CDH23: variants seen among roughly 807,000 people sequenced by gnomAD.
CDH23 encodes the protein cadherin-23.
In CDH23, 189 loss-of-function variants were observed where a neutral mutation model predicts 317.1. That is an observed-to-expected ratio of 0.60 (90% CI 0.53 to 0.67). CDH23 has a LOEUF of 0.67. CDH23 is among the 30% of genes least tolerant of loss of function. The probability of loss-of-function intolerance (pLI) is 0.00; values close to 1 mark genes in which losing one functional copy is unlikely to be tolerated. For synonymous variants in CDH23, 1,839 were observed against 1,876.8 expected (o/e 0.98, Z 0.52); for missense variants, 4,401 against 4,592.4 (o/e 0.96, Z 1.20).
intron 14 of CDH23, among the ~76,000 whole-genome samples, chr10:71,650,499 T>C (rs1405948356): frequency 6.6e-6 from 1 of 152,160 alleles, no homozygotes; most frequent in African/African-American, 2.4e-5. Context: ...TGCCTGTGCA[T>C]GTACATGTGT....
chr10:71,583,282 G>A (rs1157685928), intron 9 of CDH23, among the ~76,000 whole-genome samples: 5 of 152,102 alleles, frequency 3.3e-5, no homozygotes, highest in Non-Finnish European at 7.4e-5. Flanking sequence ...GGCCGCAGAG[G>A]GAGGCAGGGC....
At chr10:71,525,860 T>C (rs1454469088) in intron 6 of CDH23, among the ~76,000 whole-genome samples, 2 of 151,948 alleles carry the variant, frequency 1.3e-5, no homozygotes, top group Admixed American at 6.5e-5. Context: ...CATGCTAGAG[T>C]GTTGCTTCCA....
intron 9 of CDH23, among the ~76,000 whole-genome samples, chr10:71,579,090 T>G (rs75242249): frequency 0.093 from 14,212 of 152,224 alleles, 1,024 homozygotes; most frequent in East Asian, 0.32. Context: ...TGATTTAACA[T>G]ATAAAGGGCT....
intron 38 of CDH23, chr10:71,749,269 ATGAATTG>A (rs1839931925): frequency 6.6e-6 from 1 of 152,282 alleles, no homozygotes; most frequent in African/African-American, 2.4e-5. Context: ...GCAGGCCCCC[ATGAATTG>A]TGAAAAACAT....
In CDH23 at chr10:71,702,160, G is replaced by C. The variant is rs372807578; in HGVS notation, c.2536G>C (p.Asp846His). ...CGCCATGCTGGACCGGGAGAACCCC[G>C]ACCCCCATGAGGCCGAGCTGATGCG... ...THAMLDRENP[D>H]PHEAELMRKI... is the part of the protein sequence containing the mutation. Residue 846 changes from aspartate (D) to histidine (H), a missense_variant, in exon 23 of 70, where the codon GAC becomes CAC. Asp to His is a moderately conservative substitution (Grantham distance 81). This residue lies in a region of CDH23 where 3,068 missense variants were observed against 3,203.3 expected (regional missense o/e 0.96). Coordinates refer to ENST00000224721, the MANE Select transcript of CDH23 (RefSeq NM_022124.6). 6.2e-7 allele frequency: 1 copy of C among 1,613,870 alleles called. No homozygotes were observed. Among genetic ancestry groups the C allele is most frequent in the African/African-American group, 1.3e-5 (1 of 75,030 alleles).
At chr10:71,408,783 C>T (rs1032883403) in intron 1 of CDH23, among the ~76,000 whole-genome samples, 9 of 152,272 alleles carry the variant, frequency 5.9e-5, no homozygotes, top group African/African-American at 1.9e-4. Flanking sequence ...CTGTGGAGGG[C>T]CTGGGTGTCA....
At chr10:71,803,115 G>T (rs775176370) in intron 54 of CDH23, 40 bp downstream of exon 54, 1 of 1,600,394 alleles carries the variant, frequency 6.2e-7, no homozygotes, top group East Asian at 2.2e-5. Context: ...GTCTTGGGGG[G>T]TGGGAGGGGG....
chr10:71,476,187 T>C (rs373162580), intron 3 of CDH23, among the ~76,000 whole-genome samples: 1 of 152,102 alleles, frequency 6.6e-6, no homozygotes, highest in South Asian at 2.1e-4. Context: ...CCAGGAAAAG[T>C]ACAGGATGCT....
At position 71,702,671 on chromosome 10, in the gene CDH23, C is replaced by T. The variant is rs1249161014; in HGVS notation, c.2710C>T (p.Pro904Ser). The change falls in exon 24 of 70, where the codon CCG becomes TCG. Residue 904 changes from proline to serine, a missense_variant. Physicochemically the swap from Pro to Ser is moderately conservative, Grantham distance 74. Coordinates refer to ENST00000224721, the MANE Select transcript of CDH23 (RefSeq NM_022124.6). ...TGTGGCCGAGGTGCTTGAAGGCATC[C>T]CGGCGGGGGTCTCCATCTACCAAGT... is the stretch of plus-strand genomic sequence containing the variant. ...PFVAEVLEGI[P>S]AGVSIYQVVA... 3 of 1,613,812 alleles carry T rather than the reference C, an allele frequency of 1.9e-6. No homozygotes were observed. The highest frequency in any genetic ancestry group is 2.2e-5 in the East Asian group (1 of 44,874).
chr10:71,748,129 A>G (rs745577), intron 38 of CDH23: 20,496 of 151,950 alleles, frequency 0.13, 1,580 homozygotes, highest in South Asian at 0.36. Context: ...CTCATTCATG[A>G]GGCAGGACCC....
intron 27 of CDH23, 100 bp from the exon 28 acceptor site, chr10:71,712,565 G>C (rs1866017528): frequency 7.1e-7 from 1 of 1,403,748 alleles, no homozygotes; most frequent in African/African-American, 1.4e-5. Context: ...GGGCGGAACA[G>C]GGCACCTCTC....
At chr10:71,710,813 G>T (rs985852509) in intron 27 of CDH23, among the ~76,000 whole-genome samples, 1 of 152,234 alleles carries the variant, frequency 6.6e-6, no homozygotes, top group Non-Finnish European at 1.5e-5. Flanking sequence ...TGCATGCACC[G>T]CAGCTGGCCC....
chr10:71,807,780 G>C lies in CDH23; in HGVS notation c.8560+13G>C. On this transcript the variant is annotated intron_variant, in intron 59 of 69. Transcript: ENST00000224721. ...GAGTACACTGCAGGTGCAGGGACTG[G>C]AGCCTGGGCACGAGGTGTGGGGTGG... 1 of 1,591,154 alleles carries C rather than the reference G, an allele frequency of 6.3e-7. No homozygotes were observed. Among genetic ancestry groups the C allele is most frequent in the Non-Finnish European group, 8.6e-7 (1 of 1,168,582 alleles).
chr10:71,666,294 C>T (rs1448311270), intron 14 of CDH23, among the ~76,000 whole-genome samples: 1 of 152,036 alleles, frequency 6.6e-6, no homozygotes, highest in East Asian at 1.9e-4. Flanking sequence ...TCACAGCCCC[C>T]CAATATCTCC....
intron 11 of CDH23, among the ~76,000 whole-genome samples, chr10:71,638,674 C>T (rs927932850): frequency 1.3e-5 from 2 of 152,188 alleles, no homozygotes; most frequent in African/African-American, 4.8e-5. Context: ...CCCTCCCTCC[C>T]AAGGGAGTAT....
chr10:71,525,966 A>G (rs7917660), intron 6 of CDH23, among the ~76,000 whole-genome samples: 67,924 of 152,102 alleles, frequency 0.45, 16,378 homozygotes, highest in African/African-American at 0.63. Flanking sequence ...TGGTGCTGGG[A>G]ACCCAAGAGG....
intron 3 of CDH23, among the ~76,000 whole-genome samples, chr10:71,454,023 G>A (rs570251349): frequency 1.4e-4 from 21 of 152,310 alleles, no homozygotes; most frequent in African/African-American, 3.8e-4. Flanking sequence ...GTAGACAGTG[G>A]GGGTGTAACA....
At position 71,617,150 on chromosome 10, in the gene CDH23, A is replaced by G; in HGVS notation, c.946-55A>G. 3.2e-6 allele frequency: 5 copies of G among 1,559,254 alleles called. No individual in the cohort carries two copies. The South Asian group carries it at 6.0e-5, about 19-fold the overall frequency. On this transcript the variant is annotated intron_variant, in intron 10 of 69. Coordinates refer to ENST00000224721, the MANE Select transcript of CDH23 (RefSeq NM_022124.6). ...GCTGAGAAAGTCTTTGGTAAGCAAG[A>G]GCTGTTGCTGTGATTAGCTGCCTTC...
chr10:71,756,467 T>G (rs536017575), intron 38 of CDH23, among the ~76,000 whole-genome samples: 2 of 152,352 alleles, frequency 1.3e-5, no homozygotes, highest in South Asian at 2.1e-4. Context: ...AATGAACTTG[T>G]GCACGCAGCC....
Sources: gnomAD v4.1 joint callset for allele counts (sites outside exome capture counted in the v4.1 genomes callset) on GRCh38, gnomAD v4.1.1 for gene constraint, gnomAD v4.1.1 regional missense constraint, MANE v1.5 for transcripts, NCBI Gene and HGNC (gene_info 2026-07-23, HGNC 2026-07-21) for gene names.